Variants in NBPF10 observed in about 807,000 individuals in gnomAD.
NBPF10 encodes NBPF member 10.
A neutral mutation model predicts 77.9 loss-of-function variants in NBPF10; 63 were observed. The ratio of observed to expected loss-of-function variants is 0.81; its 90% CI spans 0.66 to 1.00. The LOEUF is 1.00. Ranked by LOEUF, NBPF10 falls within the 50% of genes least tolerant of loss-of-function variation. The pLI is 0.00. For missense variants in NBPF10, 522 were observed against 679.8 expected (o/e 0.77, Z 2.58); for synonymous variants, 146 against 264.5 (o/e 0.55, Z 4.35).
At chr1:146,126,215 C>G (rs1658616871) in intron 14 of NBPF10, 21 bp downstream of exon 14, 35 of 1,531,434 alleles carry the variant, frequency 2.3e-5, no homozygotes, top group Non-Finnish European at 3.2e-5. Context: ...ATCCTTATCA[C>G]CTTCATAGAA....
chr1:146,073,189 C>A (rs1553780111), intron 81 of NBPF10, among the ~76,000 whole-genome samples: 2 of 51,416 alleles, frequency 3.9e-5, no homozygotes, highest in Non-Finnish European at 6.9e-5. Context: ...TGAGTTAGTG[C>A]CCTCGGGACA....
At chr1:146,066,607 C>T (rs782722695) in intron 89 of NBPF10, 46 bp from the exon 90 acceptor site, 1 of 552,092 alleles carries the variant, frequency 1.8e-6, no homozygotes, top group African/African-American at 2.3e-5. Context: ...GAAAATCAGA[C>T]ACCACAGAGC....
At position 146,126,216 on chromosome 1, in the gene NBPF10, C is replaced by A; in HGVS notation, c.2026+20G>T. ...AGAAGACTCAGTGGATCCTTATCAC[C>A]TTCATAGAAAGGTACTCACCATCCA... On this transcript the variant is annotated intron_variant, in intron 14 of 89. Coordinates refer to ENST00000583866, the Ensembl canonical transcript of NBPF10. The A allele has an allele frequency of 6.5e-7, 1 of 1,542,176 alleles. No individual in the cohort carries two copies. The highest frequency in any genetic ancestry group is 9.0e-7 in the Non-Finnish European group (1 of 1,116,858).
intron 11 of NBPF10, among the ~76,000 whole-genome samples, chr1:146,129,001 A>G (rs2102183777): frequency 6.6e-6 from 1 of 151,696 alleles, no homozygotes; most frequent in Admixed American, 6.6e-5. Context: ...CGCCATCATC[A>G]AAGACCAAGG....
intron 12 of NBPF10, among the ~76,000 whole-genome samples, 174 bp downstream of exon 12, chr1:146,127,945 C>A (rs1201972695): frequency 2.0e-5 from 3 of 149,848 alleles, no homozygotes; most frequent in Non-Finnish European, 4.4e-5. Context: ...ACTGACCCAC[C>A]CCATGCCTGT....
chr1:146,126,029 T>G (rs1212120069), intron 14 of NBPF10, among the ~76,000 whole-genome samples: 4 of 151,764 alleles, frequency 2.6e-5, no homozygotes, highest in Admixed American at 2.6e-4. Flanking sequence ...AGGCATGGCC[T>G]GAGACTAGGA....
At chr1:146,067,854 C>A (rs1463229800) in intron 88 of NBPF10, 149 bp downstream of exon 88, 7 of 699,230 alleles carry the variant, frequency 1.0e-5, no homozygotes, top group Middle Eastern at 3.7e-4. Context: ...CCAGCTGAGA[C>A]TACAGTTTCA....
intron 85 of NBPF10, among the ~76,000 whole-genome samples, 158 bp from the exon 86 acceptor site, chr1:146,069,873 A>G (rs1369854456): frequency 8.4e-6 from 1 of 118,776 alleles, no homozygotes; most frequent in Non-Finnish European, 1.8e-5. Context: ...GGGACAGAAC[A>G]GGGCCAGGTA....
intron 1 of NBPF10, among the ~76,000 whole-genome samples, chr1:146,143,727 A>AT (rs1443366815): frequency 7.4e-6 from 1 of 135,768 alleles, no homozygotes; most frequent in Non-Finnish European, 1.6e-5. Context: ...TCTGCTTTTT[A>AT]TTTTTATTTT....
In NBPF10 at chr1:146,142,601, A is replaced by G; in HGVS notation, c.278+49T>C. 3.2e-6 allele frequency: 3 copies of G among 947,876 alleles called. 1 individual carries two copies. Among genetic ancestry groups the G allele is most frequent in the Non-Finnish European group, 4.7e-6 (3 of 636,768 alleles). The allele number at this position is 947,876 out of a possible 1,614,324, so 58.7% of individuals were successfully genotyped here. On this transcript the variant is annotated intron_variant, in intron 2 of 89. Transcript: ENST00000583866. ...TCTCCCCGCCGAGCTGCTGTACTTC[A>G]GAGATCTACACACCTACCCGCCTGC...
At position 146,067,249 on chromosome 1, in the gene NBPF10, CT is replaced by C; in HGVS notation, c.11074del (p.Arg3692GlufsTer29). On this transcript the variant is annotated frameshift_variant, in exon 89 of 90. Transcript: ENST00000583866. LOFTEE classifies it high-confidence loss of function. ...CCTTCTTCTTTCCTTCTTTGATCTTCTTCCCCTTCTTTTTTTCCCCTTCCCC... is the reference window on the plus strand; with the variant it reads ...CCTTCTTCTTTCCTTCTTTGATCTTCTCCCCTTCTTTTTTTCCCCTTCCCC... 1 of 572,636 alleles carries C rather than the reference CT, an allele frequency of 1.7e-6. No homozygotes were observed. The highest frequency in any genetic ancestry group is 3.1e-6 in the Non-Finnish European group (1 of 321,898). 35.5% of individuals were successfully genotyped at this position (572,636 alleles called of 1,614,324 possible). A position where few individuals can be genotyped will look rare whatever the true frequency, so the allele number is the denominator to read the frequency against.
rs1360974620 is a variant in NBPF10 at position 146,126,548 on chromosome 1, T to A, written c.1854-140A>T. 26 of 711,176 alleles carry A rather than the reference T, an allele frequency of 3.7e-5. No individual in the cohort carries two copies. In the Admixed American group the frequency reaches 5.3e-4, roughly 14 times the overall value. 44.1% of individuals were successfully genotyped at this position (711,176 alleles called of 1,614,324 possible). A position where few individuals can be genotyped will look rare whatever the true frequency, so the allele number is the denominator to read the frequency against. On this transcript the variant is annotated intron_variant, in intron 13 of 89. Transcript: ENST00000583866. ...ATTAATGAGGTAACAAATTATTGCC[T>A]TTATGTTGGGATTGACTAGGGCCAG...
In NBPF10 at chr1:146,085,905, C is replaced by T. The variant is rs1390157442; in HGVS notation, c.8159+259G>A. Among the ~76,000 whole-genome samples, 10 of 17,096 alleles carry T rather than the reference C, an allele frequency of 5.8e-4. 5 individuals are homozygous for T. Among genetic ancestry groups the T allele is most frequent in the Admixed American group, 2.6e-3 (4 of 1,518 alleles). 11.2% of individuals were successfully genotyped at this position (17,096 alleles called of 152,430 possible). A position where few individuals can be genotyped will look rare whatever the true frequency, so the allele number is the denominator to read the frequency against. On this transcript the variant is annotated intron_variant, in intron 65 of 89. Coordinates refer to ENST00000583866, the Ensembl canonical transcript of NBPF10. Reference sequence around the variant, plus strand: ...CTGTGCTCAATAATTTTCCATAAAACGTGCTCAAGTTTCCATGCAGTCGCC... The same window carrying T: ...CTGTGCTCAATAATTTTCCATAAAATGTGCTCAAGTTTCCATGCAGTCGCC...
In NBPF10 at chr1:146,134,282, G is replaced by T. The variant is rs782117215; in HGVS notation, c.1307-17C>A. 27 of 1,602,464 alleles carry T rather than the reference G, an allele frequency of 1.7e-5. No individual in the cohort carries two copies. Among genetic ancestry groups the T allele is most frequent in the Middle Eastern group, 2.2e-4 (1 of 4,464 alleles). On this transcript the variant is annotated splice_polypyrimidine_tract_variant and intron_variant, in intron 8 of 89. Transcript: ENST00000583866. ...TGTCATTTTCTGCAAATACAGAAGT[G>T]TTCGTTCAGGTATTTCCCACTTCAC...
At chr1:146,126,535 A>G in intron 13 of NBPF10, 127 bp from the exon 14 acceptor site, 1 of 712,466 alleles carries the variant, frequency 1.4e-6, no homozygotes, top group Admixed American at 2.0e-5. Flanking sequence ...TAATGAGGTA[A>G]CAAATTATTG....
intron 14 of NBPF10, 39 bp downstream of exon 14, chr1:146,126,197 C>A: frequency 8.7e-7 from 1 of 1,146,360 alleles, no homozygotes; most frequent in Non-Finnish European, 1.3e-6. Flanking sequence ...AACCAGAAGA[C>A]TCAGTGGATC....
chr1:146,081,020 C>G (rs1295875293), intron 71 of NBPF10, among the ~76,000 whole-genome samples: 1 of 80,296 alleles, frequency 1.2e-5, no homozygotes, highest in African/African-American at 3.3e-5. Context: ...CACACACACA[C>G]ACACACACAC....
intron 88 of NBPF10, among the ~76,000 whole-genome samples, chr1:146,067,626 C>T (rs1425834947): frequency 6.7e-6 from 1 of 150,338 alleles, no homozygotes; most frequent in African/African-American, 2.5e-5. Flanking sequence ...TTAGCCCTGT[C>T]TCATCAAATA....
Position 146,136,325 on chromosome 1 carries a change from C to G in NBPF10, c.1091+28G>C, listed in dbSNP as rs782643109. The G allele has an allele frequency of 1.0e-5, 10 of 955,330 alleles. 1 individual carries two copies. In the Admixed American group the frequency reaches 2.1e-4, roughly 20 times the overall value. The allele number at this position is 955,330 out of a possible 1,614,324, so 59.2% of individuals were successfully genotyped here. ...CTTCAGAGATTTACACACCTGCGCCCCTGCCTGCCCCCATGGGGTCCCCTC... is the reference window on the plus strand; with the variant it reads ...CTTCAGAGATTTACACACCTGCGCCGCTGCCTGCCCCCATGGGGTCCCCTC... On this transcript the variant is annotated intron_variant, in intron 7 of 89. Coordinates refer to ENST00000583866, the Ensembl canonical transcript of NBPF10.
Sources: gnomAD v4.1 joint callset for allele counts (sites outside exome capture counted in the v4.1 genomes callset) on GRCh38, gnomAD v4.1.1 for gene constraint, MANE v1.5 for transcripts, NCBI Gene and HGNC (gene_info 2026-07-23, HGNC 2026-07-21) for gene names.